The following CUL5 variants were observed in gnomAD, a reference collection of about 807,000 sequenced individuals.
CUL5 encodes cullin-5.
CUL5 carries 26 observed loss-of-function variants against 108.8 expected under a neutral mutation model. The ratio of observed to expected loss-of-function variants is 0.24; its 90% CI spans 0.18 to 0.33. CUL5 has a LOEUF of 0.33. CUL5 is among the 10% of genes least tolerant of loss of function. The pLI is 1.00. For missense variants in CUL5, 524 were observed against 909.2 expected, an observed-to-expected ratio of 0.58 and a Z score of 5.45; for synonymous variants, 334 against 298.0, an observed-to-expected ratio of 1.12 and a Z score of -1.25.
chr11:108,088,461 CTT>C, intron 11 of CUL5, 64 bp from the exon 12 acceptor site: 1 of 1,488,100 alleles, frequency 6.7e-7, no homozygotes, highest in Non-Finnish European at 9.1e-7. Context: ...GAATCATTGA[CTT>C]TAGAAAAAAA....
At chr11:108,037,116 G>GA (rs143881541) in intron 2 of CUL5, among the ~76,000 whole-genome samples, 34 of 146,018 alleles carry the variant, frequency 2.3e-4, no homozygotes, top group East Asian at 9.9e-4. Flanking sequence ...CTGGAGGCAA[G>GA]AAAAAAAAAA....
intron 1 of CUL5, among the ~76,000 whole-genome samples, chr11:108,031,358 C>CT (rs1413007150): frequency 3.3e-4 from 14 of 42,382 alleles, no homozygotes; most frequent in Non-Finnish European, 1.9e-4. Flanking sequence ...GAACGAGACT[C>CT]TGTCTCAAAA....
rs566729093 is a variant in CUL5 at position 108,011,839 on chromosome 11, G to A, written c.24+2467G>A. Among the ~76,000 whole-genome samples the A allele has an allele frequency of 3.2e-4, 48 of 152,324 alleles. 1 individual carries two copies. In the South Asian group the frequency reaches 9.5e-3, roughly 30 times the overall value. On this transcript the variant is annotated intron_variant, in intron 1 of 18. Coordinates refer to ENST00000393094, the MANE Select transcript of CUL5 (RefSeq NM_003478.6). ...GACAGGGTTTCACCATGTTGGCTAG[G>A]ATGGTCTCCATCTCTTGACCTCATG...
intron 1 of CUL5, among the ~76,000 whole-genome samples, chr11:108,029,022 C>CTTGAATACA (rs1555012840): frequency 6.6e-6 from 1 of 152,138 alleles, no homozygotes; most frequent in Non-Finnish European, 1.5e-5. Context: ...TTTGCTCTAC[C>CTTGAATACA]TTGAATACAT....
Position 108,059,210 on chromosome 11 carries a change from T to C in CUL5, c.780+4255T>C, listed in dbSNP as rs1373728731. On this transcript the variant is annotated intron_variant, in intron 7 of 18. Transcript: ENST00000393094. ...AAAATGACTTAAAATTTGTGTTTGG[T>C]TTTTAGTTTTTAGGTGATAGTCCTG... 3.9e-5 allele frequency among the ~76,000 whole-genome samples: 6 copies of C among 152,136 alleles called. No homozygotes were observed. In the East Asian group the frequency reaches 1.2e-3, roughly 29 times the overall value.
intron 1 of CUL5, among the ~76,000 whole-genome samples, chr11:108,026,401 C>T (rs111705960): frequency 2.7e-3 from 416 of 152,226 alleles, no homozygotes; most frequent in Non-Finnish European, 4.3e-3. Flanking sequence ...ATTTCCTCCC[C>T]GATCTTCTCA....
intron 3 of CUL5, among the ~76,000 whole-genome samples, chr11:108,047,268 G>C (rs1863090712): frequency 6.6e-6 from 1 of 152,064 alleles, no homozygotes; most frequent in Admixed American, 6.6e-5. Context: ...CGTGAGCCGT[G>C]ATCATGCCAT....
Position 108,069,847 on chromosome 11 carries a change from C to A in CUL5, c.781-249C>A, listed in dbSNP as rs534413045. Among the ~76,000 whole-genome samples the A allele has an allele frequency of 2.2e-3, 342 of 152,264 alleles. 2 individuals are homozygous for A. The highest frequency in any genetic ancestry group is 7.8e-3 in the African/African-American group (326 of 41,554). On this transcript the variant is annotated intron_variant, in intron 7 of 18. Coordinates refer to ENST00000393094, the MANE Select transcript of CUL5 (RefSeq NM_003478.6). ...TTTGGTTTTGTATATTTTTCTCTCC[C>A]CTCCTTGAGGACTTTTGTTAAAATT...
intron 1 of CUL5, among the ~76,000 whole-genome samples, chr11:108,029,965 A>G (rs1428471245): frequency 6.6e-6 from 1 of 152,238 alleles, no homozygotes; most frequent in Non-Finnish European, 1.5e-5. Flanking sequence ...GAAATTAGAA[A>G]GTATCCTCTT....
At chr11:108,076,836 A>G (rs1458390448) in intron 10 of CUL5, among the ~76,000 whole-genome samples, 1 of 152,238 alleles carries the variant, frequency 6.6e-6, no homozygotes, top group Non-Finnish European at 1.5e-5. Context: ...GATGACACTC[A>G]GATTCGTGTT....
intron 17 of CUL5, among the ~76,000 whole-genome samples, chr11:108,098,043 GTGT>G (rs1160175256): frequency 6.6e-6 from 1 of 151,940 alleles, no homozygotes; most frequent in Admixed American, 6.5e-5. Context: ...AGCGTTTTTT[GTGT>G]TGTTTTGTTT....
At chr11:108,083,466 C>T (rs1322294502) in intron 11 of CUL5, among the ~76,000 whole-genome samples, 1 of 152,164 alleles carries the variant, frequency 6.6e-6, no homozygotes, top group Non-Finnish European at 1.5e-5. Flanking sequence ...TCTAAGGTGA[C>T]TATGTCCTAC....
At chr11:108,077,135 G>A (rs535753791) in intron 10 of CUL5, among the ~76,000 whole-genome samples, 1 of 152,326 alleles carries the variant, frequency 6.6e-6, no homozygotes, top group African/African-American at 2.4e-5. Flanking sequence ...CCAAGGATTG[G>A]CCTAGGGCAT....
At chr11:108,059,386 G>A (rs912909212) in intron 7 of CUL5, among the ~76,000 whole-genome samples, 1 of 152,106 alleles carries the variant, frequency 6.6e-6, no homozygotes, top group African/African-American at 2.4e-5. Context: ...TACAATAGAG[G>A]AATAGAAAAG....
At chr11:108,098,067 T>C (rs1382651242) in intron 17 of CUL5, among the ~76,000 whole-genome samples, 2 of 151,412 alleles carry the variant, frequency 1.3e-5, no homozygotes, top group African/African-American at 4.9e-5. Flanking sequence ...CGTTTTTGTT[T>C]TTGTTTTTGT....
At position 108,070,033 on chromosome 11, in the gene CUL5, A is replaced by G. The variant is rs985335326; in HGVS notation, c.781-63A>G. 10 of 985,928 alleles carry G rather than the reference A, an allele frequency of 1.0e-5. No homozygotes were observed. In the African/African-American group the frequency reaches 1.5e-4, roughly 14 times the overall value. The allele number at this position is 985,928 out of a possible 1,614,324, so 61.1% of individuals were successfully genotyped here. On this transcript the variant is annotated intron_variant, in intron 7 of 18. Coordinates refer to ENST00000393094, the MANE Select transcript of CUL5 (RefSeq NM_003478.6). ...TTGAACAATATTGTTTTATTTTGTG[A>G]GTTAGAATAGATTTGTGCTATACAG...
chr11:108,048,648 C>CTTTTTTTT lies in CUL5; in HGVS notation c.235-1213_235-1206dup, dbSNP rs200991204. Among the ~76,000 whole-genome samples the CTTTTTTTT allele has an allele frequency of 6.6e-4, 77 of 116,850 alleles. 4 individuals carry two copies. The highest frequency in any genetic ancestry group is 4.1e-3 in the Middle Eastern group (1 of 242). 76.7% of individuals were successfully genotyped at this position (116,850 alleles called of 152,430 possible). ...ATAGTGGGGAAATAGACTCCACCAC[C>CTTTTTTTT]TTTTTTTTTTTTTTTTTTTTTTTTT... On this transcript the variant is annotated intron_variant, in intron 3 of 18. Coordinates refer to ENST00000393094, the MANE Select transcript of CUL5 (RefSeq NM_003478.6).
chr11:108,048,476 T>G (rs1277460517), intron 3 of CUL5, among the ~76,000 whole-genome samples: 1 of 152,114 alleles, frequency 6.6e-6, no homozygotes, highest in Non-Finnish European at 1.5e-5. Context: ...CTTTTCACTG[T>G]GTGGTTTGTC....
intron 7 of CUL5, among the ~76,000 whole-genome samples, chr11:108,057,530 C>G (rs1863415822): frequency 6.6e-6 from 1 of 151,976 alleles, no homozygotes; most frequent in South Asian, 2.1e-4. Context: ...TTTACTCTTG[C>G]CAAAAATGTG....
Sources: allele counts gnomAD v4.1 joint callset (sites outside exome capture counted in the v4.1 genomes callset), GRCh38; gene constraint gnomAD v4.1.1; transcripts MANE v1.5; gene names NCBI Gene and HGNC (gene_info 2026-07-23, HGNC 2026-07-21).